Variants in SCN11A observed in about 807,000 individuals in gnomAD.
The protein encoded by SCN11A is sodium voltage-gated channel alpha subunit 11.
Under a neutral mutation model 162.2 loss-of-function variants are expected in SCN11A, and 122 were observed. The ratio of observed to expected loss-of-function variants is 0.75; its 90% CI spans 0.65 to 0.87. The LOEUF (loss-of-function observed/expected upper bound fraction) is 0.87, where lower values mean the gene tolerates loss of function less well. SCN11A is among the 40% of genes least tolerant of loss of function. SCN11A has a pLI of 0.00. For missense variants in SCN11A, 2,015 were observed against 2,181.6 expected, an observed-to-expected ratio of 0.92 and a Z score of 1.52; for synonymous variants, 758 against 751.5, an observed-to-expected ratio of 1.01 and a Z score of -0.14.
intron 2 of SCN11A, among the ~76,000 whole-genome samples, chr3:38,964,036 A>G (rs1197061556): frequency 2.6e-5 from 4 of 152,240 alleles, no homozygotes; most frequent in African/African-American, 9.6e-5. Flanking sequence ...ATACACACAC[A>G]GGTCACTTGA....
intron 11 of SCN11A, among the ~76,000 whole-genome samples, chr3:38,913,828 C>A (rs1406839213): frequency 6.6e-5 from 10 of 152,076 alleles, no homozygotes; most frequent in Admixed American, 6.6e-4. Context: ...TTTCTGGGCT[C>A]TCTATTCTGT....
chr3:39,025,915 T>C (rs2031575437), intron 2 of SCN11A: 1 of 152,190 alleles, frequency 6.6e-6, no homozygotes, highest in Non-Finnish European at 1.5e-5. Flanking sequence ...ATTATTTCTT[T>C]CTTTTATACC....
At chr3:38,881,285 C>CTA (rs2065305014) in intron 22 of SCN11A, among the ~76,000 whole-genome samples, 1 of 152,206 alleles carries the variant, frequency 6.6e-6, no homozygotes, top group African/African-American at 2.4e-5. Flanking sequence ...CTATCTTGAT[C>CTA]TATACTTTCT....
intron 16 of SCN11A, among the ~76,000 whole-genome samples, chr3:38,900,325 A>G (rs2065679216): frequency 6.6e-6 from 1 of 152,208 alleles, no homozygotes; most frequent in Non-Finnish European, 1.5e-5. Context: ...AGAATGGAAA[A>G]TGAATATTAT....
chr3:38,994,705 A>G (rs1575351123), intron 2 of SCN11A, among the ~76,000 whole-genome samples: 1 of 152,174 alleles, frequency 6.6e-6, no homozygotes, highest in African/African-American at 2.4e-5. Flanking sequence ...AAGCCAAAGC[A>G]TGGGGAGTGT....
chr3:38,924,592 C>G (rs1224060332), intron 9 of SCN11A, among the ~76,000 whole-genome samples: 3 of 152,004 alleles, frequency 2.0e-5, no homozygotes, highest in African/African-American at 4.8e-5. Flanking sequence ...AGGCTGATAC[C>G]AAACTTCTGA....
At chr3:39,020,710 G>C (rs894125108) in intron 2 of SCN11A, among the ~76,000 whole-genome samples, 3 of 152,130 alleles carry the variant, frequency 2.0e-5, no homozygotes, top group African/African-American at 7.2e-5. Context: ...CACAGTTCCT[G>C]CTCTTTCTCT....
intron 2 of SCN11A, among the ~76,000 whole-genome samples, chr3:39,002,667 C>T (rs2125599109): frequency 6.6e-6 from 1 of 152,352 alleles, no homozygotes; most frequent in African/African-American, 2.4e-5. Flanking sequence ...CAGTTTCTAG[C>T]ACTCCTTGAT....
chr3:39,051,122 T>C (rs2032354076), intron 1 of SCN11A, among the ~76,000 whole-genome samples: 1 of 150,418 alleles, frequency 6.6e-6, no homozygotes, highest in Non-Finnish European at 1.5e-5. Flanking sequence ...TTTGTCTTGT[T>C]TTTTTTTTTT....
At chr3:38,909,956 G>A in intron 12 of SCN11A, 110 bp downstream of exon 12, 1 of 1,005,112 alleles carries the variant, frequency 9.9e-7, no homozygotes, top group Non-Finnish European at 1.5e-6. Context: ...TAAAAGTGGG[G>A]GATGAATGGT....
chr3:38,885,418 A>G lies in SCN11A; in HGVS notation c.2950-16T>C. 7.0e-7 allele frequency: 1 copy of G among 1,432,714 alleles called. No homozygotes were observed. Among genetic ancestry groups the G allele is most frequent in the Non-Finnish European group, 9.9e-7 (1 of 1,015,122 alleles). 88.8% of individuals were successfully genotyped at this position (1,432,714 alleles called of 1,614,324 possible). ...CATCAGACTTCTGCACATCAGAACA[A>G]AACGAAGGGGGTGCCTTTTACTAAG... On this transcript the variant is annotated splice_polypyrimidine_tract_variant and intron_variant, in intron 20 of 29. Coordinates refer to ENST00000302328, the MANE Select transcript of SCN11A (RefSeq NM_001349253.2).
At chr3:38,982,938 C>T (rs371808020) in intron 2 of SCN11A, among the ~76,000 whole-genome samples, 2 of 152,216 alleles carry the variant, frequency 1.3e-5, no homozygotes, top group East Asian at 3.8e-4. Context: ...GACACATCTT[C>T]CAATCAACTT....
At chr3:39,032,903 A>G (rs2031797657) in intron 1 of SCN11A, among the ~76,000 whole-genome samples, 2 of 152,222 alleles carry the variant, frequency 1.3e-5, no homozygotes, top group South Asian at 2.1e-4. Context: ...TACAATCCCA[A>G]CACTTTGGGA....
At chr3:39,040,425 A>C (rs1258777586) in intron 1 of SCN11A, among the ~76,000 whole-genome samples, 1 of 152,234 alleles carries the variant, frequency 6.6e-6, no homozygotes, top group Non-Finnish European at 1.5e-5. Context: ...AGAGGTGACT[A>C]TTTTACCAGA....
At chr3:38,950,826 T>C (rs966751830) in intron 4 of SCN11A, among the ~76,000 whole-genome samples, 1 of 152,206 alleles carries the variant, frequency 6.6e-6, no homozygotes, top group Non-Finnish European at 1.5e-5. Context: ...AAAGCAAAAC[T>C]GAAAGTGCAT....
At chr3:39,039,108 C>T (rs984142710) in intron 1 of SCN11A, among the ~76,000 whole-genome samples, 2 of 152,204 alleles carry the variant, frequency 1.3e-5, no homozygotes, top group Non-Finnish European at 2.9e-5. Flanking sequence ...CCTTCTTCTT[C>T]TCTTGCTTAT....
At position 38,967,803 on chromosome 3, in the gene SCN11A, A is replaced by G. The variant is rs1398612846; in HGVS notation, c.-279-7380T>C. Among the ~76,000 whole-genome samples the G allele has an allele frequency of 5.9e-5, 9 of 152,328 alleles. No individual in the cohort carries two copies. The East Asian group carries it at 1.7e-3, about 29-fold the overall frequency. On this transcript the variant is annotated intron_variant, in intron 2 of 29. Transcript: ENST00000302328. ...CCTCCCCAGGGCTCATCAAAGGGCT[A>G]CTCACACATGTCAGTATTCAGCAAA...
rs147509900 is a variant in SCN11A at position 38,958,518 on chromosome 3, A to G, written c.-139+1765T>C. ...TCACAATGTCCAATTTGAGCTTGCCATCTGTTTCCTGCTGGGGCCCTGGCT... is the reference window on the plus strand; with the variant it reads ...TCACAATGTCCAATTTGAGCTTGCCGTCTGTTTCCTGCTGGGGCCCTGGCT... On this transcript the variant is annotated intron_variant, in intron 3 of 29. Transcript: ENST00000302328. Among the ~76,000 whole-genome samples, 28 of 152,332 alleles carry G rather than the reference A, an allele frequency of 1.8e-4. No homozygotes were observed. The East Asian group carries it at 4.0e-3, about 22-fold the overall frequency.
At chr3:38,885,204 C>A in intron 21 of SCN11A, 84 bp downstream of exon 21, 2 of 782,248 alleles carry the variant, frequency 2.6e-6, no homozygotes, top group South Asian at 3.0e-5. Context: ...AAGATGATAT[C>A]TACTAAAACC....
Sources: allele counts gnomAD v4.1 joint callset (sites outside exome capture counted in the v4.1 genomes callset), GRCh38; gene constraint gnomAD v4.1.1; transcripts MANE v1.5; gene names NCBI Gene and HGNC (gene_info 2026-07-23, HGNC 2026-07-21).